Variants in EYS observed in about 807,000 individuals in gnomAD.
EYS encodes the protein protein eyes shut homolog.
EYS carries 250 observed loss-of-function variants against 282.1 expected under a neutral mutation model. The ratio of observed to expected loss-of-function variants is 0.89; its 90% CI spans 0.80 to 0.98. The LOEUF is 0.98. EYS is among the 50% of genes least tolerant of loss of function. The probability of loss-of-function intolerance (pLI) is 0.00; values close to 1 mark genes in which losing one functional copy is unlikely to be tolerated. For synonymous variants in EYS, 1,355 were observed against 1,282.9 expected, an observed-to-expected ratio of 1.06 and a Z score of -1.20; for missense variants, 4,016 against 3,709.0, an observed-to-expected ratio of 1.08 and a Z score of -2.15.
chr6:65,192,800 A>G (rs906957657), intron 12 of EYS, among the ~76,000 whole-genome samples: 2 of 151,716 alleles, frequency 1.3e-5, no homozygotes, highest in African/African-American at 4.8e-5. Context: ...TTGATCCATA[A>G]TATTTATATA....
At chr6:64,683,506 G>T (rs1021606385) in intron 22 of EYS, among the ~76,000 whole-genome samples, 4 of 152,096 alleles carry the variant, frequency 2.6e-5, no homozygotes, top group Admixed American at 6.5e-5. Context: ...GAAGGCAAAA[G>T]AAACTATCAG....
At chr6:64,859,043 C>T (rs1038164746) in intron 19 of EYS, among the ~76,000 whole-genome samples, 5 of 151,894 alleles carry the variant, frequency 3.3e-5, no homozygotes, top group Admixed American at 1.3e-4. Flanking sequence ...ATTGAACTGT[C>T]TCTATTTGCT....
At chr6:63,917,569 G>T (rs912758452) in intron 35 of EYS, among the ~76,000 whole-genome samples, 2 of 152,154 alleles carry the variant, frequency 1.3e-5, no homozygotes, top group Admixed American at 6.6e-5. Flanking sequence ...TTAGATAAAT[G>T]CATAACTTAT....
rs115178327 is a variant in EYS at position 65,475,353 on chromosome 6, G to T, written c.862+15241C>A. ...TCATTTATTCAATAATAGGTACATT[G>T]AATCTTTCTAGCATTGGTCTTTATA... On this transcript the variant is annotated intron_variant, in intron 5 of 42. Coordinates refer to ENST00000503581, the MANE Select transcript of EYS (RefSeq NM_001142800.2). Among the ~76,000 whole-genome samples, 1,095 of 152,062 alleles carry T rather than the reference G, an allele frequency of 7.2e-3. 7 individuals carry two copies. Among genetic ancestry groups the T allele is most frequent in the Non-Finnish European group, 0.012 (792 of 67,938 alleles).
intron 26 of EYS, among the ~76,000 whole-genome samples, chr6:64,510,885 G>C (rs1262207606): frequency 1.3e-5 from 2 of 151,970 alleles, no homozygotes; most frequent in Non-Finnish European, 2.9e-5. Flanking sequence ...CAATTCCACG[G>C]AGTTGATAGT....
At chr6:64,265,556 T>C (rs935542205) in intron 30 of EYS, among the ~76,000 whole-genome samples, 1 of 152,192 alleles carries the variant, frequency 6.6e-6, no homozygotes, top group South Asian at 2.1e-4. Context: ...CATCATCTTT[T>C]AACAAACCAG....
chr6:63,966,509 A>G (rs114505628), intron 35 of EYS, among the ~76,000 whole-genome samples: 2,345 of 151,570 alleles, frequency 0.015, 60 homozygotes, highest in African/African-American at 0.053. Context: ...TAACTTATGG[A>G]AAAAAAAACT....
intron 28 of EYS, among the ~76,000 whole-genome samples, chr6:64,429,059 TA>T (rs1774501846): frequency 1.3e-5 from 2 of 152,010 alleles, no homozygotes; most frequent in Non-Finnish European, 2.9e-5. Flanking sequence ...CACAGAATAA[TA>T]AAAAATATCT....
chr6:65,279,345 C>T (rs969125580), intron 12 of EYS, among the ~76,000 whole-genome samples: 6 of 152,100 alleles, frequency 3.9e-5, no homozygotes, highest in African/African-American at 1.4e-4. Context: ...AATGTCATTT[C>T]CTTAGAGTTC....
At chr6:64,487,431 TCTATTTAGGTCATTTC>T (rs1365489346) in intron 26 of EYS, among the ~76,000 whole-genome samples, 2 of 151,010 alleles carry the variant, frequency 1.3e-5, no homozygotes, top group Non-Finnish European at 3.0e-5. Context: ...CCATATCTAA[TCTATTTAGGTCATTTC>T]CTTAGTACAG....
intron 41 of EYS, among the ~76,000 whole-genome samples, chr6:63,757,477 G>A (rs1769519360): frequency 6.6e-6 from 1 of 151,932 alleles, no homozygotes; most frequent in Non-Finnish European, 1.5e-5. Flanking sequence ...CCTTTGCCTT[G>A]TGATCTTGCT....
chr6:64,882,654 C>T (rs1331672598), intron 19 of EYS, among the ~76,000 whole-genome samples: 1 of 151,388 alleles, frequency 6.6e-6, no homozygotes, highest in Non-Finnish European at 1.5e-5. Context: ...AACACTAAAC[C>T]CTTTGTGTTT....
At chr6:65,310,203 G>A (rs560917547) in intron 11 of EYS, among the ~76,000 whole-genome samples, 110 of 152,186 alleles carry the variant, frequency 7.2e-4, no homozygotes, top group African/African-American at 2.6e-3. Context: ...AATTAGTCAG[G>A]CAAGGTGGCA....
chr6:63,948,010 A>G (rs552968284), intron 35 of EYS, among the ~76,000 whole-genome samples: 2 of 152,332 alleles, frequency 1.3e-5, no homozygotes, highest in African/African-American at 4.8e-5. Flanking sequence ...ATTAAGATGG[A>G]GCATTAAACA....
chr6:63,721,208 C>A lies in EYS; in HGVS notation c.8823G>T (p.Leu2941Phe). The change falls in exon 43 of 43, where the codon TTG becomes TTT. Residue 2941 changes from leucine (L) to phenylalanine (F), a missense_variant. Coordinates refer to ENST00000503581, the MANE Select transcript of EYS (RefSeq NM_001142800.2). ...QSFSYSCLCT[L>F]GWVGRYCENK... is the part of the protein sequence containing the mutation. Reference sequence around the variant, plus strand: ...TTTCACAATACCTTCCCACCCAACCCAAAGTACACAGGCAACTGTAAGAAA... The same window carrying A: ...TTTCACAATACCTTCCCACCCAACCAAAAGTACACAGGCAACTGTAAGAAA... The A allele has an allele frequency of 6.4e-7, 1 of 1,551,664 alleles. No homozygotes were observed. Among genetic ancestry groups the A allele is most frequent in the South Asian group, 1.2e-5 (1 of 84,048 alleles).
intron 22 of EYS, among the ~76,000 whole-genome samples, chr6:64,771,069 T>G (rs1773509926): frequency 6.6e-6 from 1 of 151,778 alleles, no homozygotes; most frequent in Non-Finnish European, 1.5e-5. Context: ...TTGCTATTCC[T>G]TTGATTCCAG....
intron 29 of EYS, among the ~76,000 whole-genome samples, chr6:64,348,358 GA>G (rs1475722147): frequency 1.3e-5 from 2 of 151,360 alleles, no homozygotes; most frequent in African/African-American, 4.8e-5. Context: ...GATAATGTTG[GA>G]TTTTTTTTCC....
intron 12 of EYS, among the ~76,000 whole-genome samples, chr6:65,215,504 G>T (rs1356095865): frequency 1.3e-5 from 2 of 152,146 alleles, no homozygotes; most frequent in South Asian, 4.1e-4. Context: ...TCTTAAGATG[G>T]AATGTACTTC....
At chr6:65,158,348 G>A (rs1166398381) in intron 12 of EYS, among the ~76,000 whole-genome samples, 1 of 150,820 alleles carries the variant, frequency 6.6e-6, no homozygotes, top group Non-Finnish European at 1.5e-5. Context: ...TATGGAATGT[G>A]TCAAAATAGG....
Sources: gnomAD v4.1 joint callset for allele counts (sites outside exome capture counted in the v4.1 genomes callset) on GRCh38, gnomAD v4.1.1 for gene constraint, MANE v1.5 for transcripts, NCBI Gene and HGNC (gene_info 2026-07-23, HGNC 2026-07-21) for gene names.